Variants in SDK1 observed in about 807,000 individuals in gnomAD.
The protein encoded by SDK1 is protein sidekick-1.
In SDK1, 157 loss-of-function variants were observed where a neutral mutation model predicts 245.5. The ratio of observed to expected loss-of-function variants is 0.64; its 90% CI spans 0.56 to 0.73. The LOEUF (loss-of-function observed/expected upper bound fraction) is 0.73, where lower values mean the gene tolerates loss of function less well. Ranked by LOEUF, SDK1 falls within the 30% of genes least tolerant of loss-of-function variation. The probability of loss-of-function intolerance (pLI) is 0.00; values close to 1 mark genes in which losing one functional copy is unlikely to be tolerated. For missense variants in SDK1, 3,583 were observed against 3,002.3 expected, an observed-to-expected ratio of 1.19 and a Z score of -4.52; for synonymous variants, 1,647 against 1,278.5, an observed-to-expected ratio of 1.29 and a Z score of -6.15.
chr7:4,249,357 C>G (rs903383438), intron 44 of SDK1, among the ~76,000 whole-genome samples: 4 of 152,192 alleles, frequency 2.6e-5, no homozygotes, highest in Non-Finnish European at 5.9e-5. Flanking sequence ...GGCAGCGTGG[C>G]TGAGGTGGCA....
rs1257003213 is a variant in SDK1 at position 3,807,754 on chromosome 7, C to T, written c.714-13696C>T. On this transcript the variant is annotated intron_variant, in intron 4 of 44. Transcript: ENST00000404826. ...GATGAGAGAATACATTTGGGATGGG[C>T]ACAGGCTGGGAGGCTGGGTTAGAGT... 2.0e-5 allele frequency among the ~76,000 whole-genome samples: 3 copies of T among 152,154 alleles called. No individual in the cohort carries two copies. In the East Asian group the frequency reaches 5.8e-4, roughly 29 times the overall value.
At chr7:4,168,561 T>C (rs1781639180) in intron 32 of SDK1, among the ~76,000 whole-genome samples, 1 of 152,212 alleles carries the variant, frequency 6.6e-6, no homozygotes, top group Non-Finnish European at 1.5e-5. Context: ...TTGATAGTTT[T>C]GGTGAATTGA....
intron 4 of SDK1, among the ~76,000 whole-genome samples, chr7:3,670,908 G>A (rs969654797): frequency 3.9e-5 from 6 of 152,110 alleles, no homozygotes; most frequent in Admixed American, 3.9e-4. Flanking sequence ...ACCTTTTTTA[G>A]GAAACCTTCT....
At chr7:3,710,665 C>G (rs1050471951) in intron 4 of SDK1, among the ~76,000 whole-genome samples, 1 of 152,174 alleles carries the variant, frequency 6.6e-6, no homozygotes, top group Non-Finnish European at 1.5e-5. Context: ...ATTACTCTTG[C>G]CATTAATTTA....
chr7:4,169,892 C>A (rs866339283), intron 32 of SDK1, among the ~76,000 whole-genome samples: 5 of 152,086 alleles, frequency 3.3e-5, no homozygotes, highest in African/African-American at 1.2e-4. Flanking sequence ...AGGACAGATG[C>A]GCTGTATTCT....
At chr7:3,931,040 T>C (rs1779958480) in intron 5 of SDK1, among the ~76,000 whole-genome samples, 1 of 152,054 alleles carries the variant, frequency 6.6e-6, no homozygotes, top group Non-Finnish European at 1.5e-5. Context: ...AATCATTTCT[T>C]TTCTAAATAA....
At chr7:3,654,624 C>T (rs547567105) in intron 4 of SDK1, among the ~76,000 whole-genome samples, 2 of 152,236 alleles carry the variant, frequency 1.3e-5, no homozygotes, top group East Asian at 1.9e-4. Context: ...GCTTGTTGGG[C>T]ACCTGTCTGC....
At chr7:3,723,658 T>TTTGTG (rs373016806) in intron 4 of SDK1, among the ~76,000 whole-genome samples, 9 of 134,190 alleles carry the variant, frequency 6.7e-5, no homozygotes, top group South Asian at 2.4e-4. Flanking sequence ...TAAGTAAAAG[T>TTTGTG]TGTGTGTGTG....
rs182563556 is a variant in SDK1, at chr7:3,960,272, A to G, written c.1234+1258A>G. On this transcript the variant is annotated intron_variant, in intron 8 of 44. Coordinates refer to ENST00000404826, the MANE Select transcript of SDK1 (RefSeq NM_152744.4). ...TCATTGCCCAGTGTGTGGCCTGTGGAAGTTACTCATTAAATACTGGGTACC... is the reference window on the plus strand; with the variant it reads ...TCATTGCCCAGTGTGTGGCCTGTGGGAGTTACTCATTAAATACTGGGTACC... 1.7e-3 allele frequency among the ~76,000 whole-genome samples: 253 copies of G among 152,298 alleles called. 1 individual carries two copies. The highest frequency in any genetic ancestry group is 5.9e-3 in the African/African-American group (247 of 41,568).
intron 26 of SDK1, among the ~76,000 whole-genome samples, chr7:4,128,536 C>T (rs1242836561): frequency 1.3e-5 from 2 of 152,206 alleles, no homozygotes; most frequent in African/African-American, 4.8e-5. Flanking sequence ...TAGCAGGAGG[C>T]CCTGGAGCAG....
intron 1 of SDK1, among the ~76,000 whole-genome samples, chr7:3,451,390 G>T (rs998730889): frequency 1.3e-5 from 2 of 152,106 alleles, no homozygotes; most frequent in Non-Finnish European, 1.5e-5. Context: ...GCGAATAGCT[G>T]CGTTTTTGTT....
intron 4 of SDK1, among the ~76,000 whole-genome samples, chr7:3,718,989 A>C (rs569104148): frequency 3.7e-4 from 57 of 152,358 alleles, no homozygotes; most frequent in Non-Finnish European, 5.0e-4. Flanking sequence ...CGTGGAAACC[A>C]AATTAAAAAT....
intron 5 of SDK1, among the ~76,000 whole-genome samples, chr7:3,842,533 G>C (rs1583467867): frequency 6.6e-6 from 1 of 152,272 alleles, no homozygotes; most frequent in Non-Finnish European, 1.5e-5. Context: ...AGGTGCCTGG[G>C]TTGCTGCTAT....
At chr7:3,842,216 C>A (rs1000604179) in intron 5 of SDK1, among the ~76,000 whole-genome samples, 2 of 152,226 alleles carry the variant, frequency 1.3e-5, no homozygotes, top group African/African-American at 4.8e-5. Context: ...AGTACTTGCA[C>A]CACCATCCCC....
chr7:3,393,973 C>G (rs1391578395), intron 1 of SDK1, among the ~76,000 whole-genome samples: 1 of 152,054 alleles, frequency 6.6e-6, no homozygotes, highest in African/African-American at 2.4e-5. Context: ...TTATTTGTAC[C>G]CATCCTTCTT....
intron 1 of SDK1, among the ~76,000 whole-genome samples, chr7:3,404,334 G>A (rs1036713149): frequency 6.6e-6 from 1 of 152,114 alleles, no homozygotes; most frequent in Non-Finnish European, 1.5e-5. Context: ...GCAAACAGTA[G>A]ATTTCTTCCG....
intron 5 of SDK1, among the ~76,000 whole-genome samples, chr7:3,940,903 T>C (rs1044288974): frequency 6.6e-6 from 1 of 152,088 alleles, no homozygotes; most frequent in Non-Finnish European, 1.5e-5. Flanking sequence ...CACACTCTCA[T>C]GGAGTGGCCT....
At chr7:3,380,557 A>G (rs1207377313) in intron 1 of SDK1, among the ~76,000 whole-genome samples, 3 of 152,228 alleles carry the variant, frequency 2.0e-5, no homozygotes, top group Admixed American at 2.0e-4. Flanking sequence ...TTGAGATTGT[A>G]TTAAGCTGCA....
intron 44 of SDK1, among the ~76,000 whole-genome samples, chr7:4,248,145 C>T (rs988230548): frequency 2.0e-5 from 3 of 152,114 alleles, no homozygotes; most frequent in African/African-American, 7.2e-5. Flanking sequence ...TATACATTCA[C>T]GTATGCATGC....
Sources: allele counts gnomAD v4.1 joint callset (sites outside exome capture counted in the v4.1 genomes callset), GRCh38; gene constraint gnomAD v4.1.1; transcripts MANE v1.5; gene names NCBI Gene and HGNC (gene_info 2026-07-23, HGNC 2026-07-21).